BICC1: variants seen among roughly 807,000 people sequenced by gnomAD.
BICC1 encodes the protein BicC family RNA binding protein 1, also known as protein bicaudal C homolog 1.
A neutral mutation model predicts 111.0 loss-of-function variants in BICC1; 43 were observed. The ratio of observed to expected loss-of-function variants is 0.39; its 90% CI spans 0.30 to 0.50. BICC1 has a LOEUF of 0.50. BICC1 is among the 20% of genes least tolerant of loss of function. BICC1 has a pLI of 0.88. For synonymous variants in BICC1, 467 were observed against 434.4 expected (o/e 1.07, Z -0.93); for missense variants, 1,091 against 1,203.2 (o/e 0.91, Z 1.38).
At chr10:58,722,289 C>T (rs972509384) in intron 3 of BICC1, among the ~76,000 whole-genome samples, 5 of 152,192 alleles carry the variant, frequency 3.3e-5, no homozygotes, top group Admixed American at 6.5e-5. Context: ...GGAAATGAAG[C>T]CCTGGCTTTC....
intron 2 of BICC1, among the ~76,000 whole-genome samples, chr10:58,697,338 CTT>C (rs971444438): frequency 5.9e-5 from 9 of 152,114 alleles, no homozygotes; most frequent in Non-Finnish European, 1.2e-4. Flanking sequence ...AAAATTATCT[CTT>C]TATTTCCATG....
chr10:58,690,800 C>T (rs1457131882), intron 2 of BICC1, among the ~76,000 whole-genome samples: 1 of 152,102 alleles, frequency 6.6e-6, no homozygotes, highest in Non-Finnish European at 1.5e-5. Flanking sequence ...AAGAGATGAA[C>T]TGAGTTGAGT....
chr10:58,533,734 G>A (rs901842902), intron 1 of BICC1, among the ~76,000 whole-genome samples: 3 of 151,748 alleles, frequency 2.0e-5, no homozygotes, highest in South Asian at 4.1e-4. Flanking sequence ...TAACATGAAA[G>A]GATATGGAAA....
chr10:58,699,087 G>C (rs978439449), intron 2 of BICC1, among the ~76,000 whole-genome samples: 1 of 152,212 alleles, frequency 6.6e-6, no homozygotes, highest in African/African-American at 2.4e-5. Context: ...GGAGAGGTCA[G>C]CTCCAGATGT....
intron 1 of BICC1, among the ~76,000 whole-genome samples, chr10:58,558,526 C>T (rs568928345): frequency 6.6e-6 from 1 of 152,130 alleles, no homozygotes; most frequent in Admixed American, 6.6e-5. Flanking sequence ...GGTGTAAAAC[C>T]ACTCTTAAAT....
At chr10:58,575,630 G>C (rs1055505044) in intron 1 of BICC1, among the ~76,000 whole-genome samples, 1 of 151,814 alleles carries the variant, frequency 6.6e-6, no homozygotes, top group Non-Finnish European at 1.5e-5. Flanking sequence ...GCTATGTTGG[G>C]TAGGCTCTCC....
At chr10:58,774,689 A>G (rs1005152337) in intron 3 of BICC1, among the ~76,000 whole-genome samples, 3 of 152,208 alleles carry the variant, frequency 2.0e-5, no homozygotes, top group African/African-American at 7.2e-5. Flanking sequence ...ATGACTTTCC[A>G]GATTTTCTCC....
intron 3 of BICC1, among the ~76,000 whole-genome samples, chr10:58,722,144 T>G (rs902918205): frequency 1.9e-4 from 29 of 152,200 alleles, no homozygotes; most frequent in Admixed American, 6.5e-4. Flanking sequence ...GCAAGAAAAT[T>G]GCTCATAAGT....
intron 2 of BICC1, among the ~76,000 whole-genome samples, chr10:58,646,630 A>G (rs1838277011): frequency 6.6e-6 from 1 of 152,152 alleles, no homozygotes; most frequent in Admixed American, 6.6e-5. Flanking sequence ...GACTAGCATG[A>G]TATCTCTGTG....
At position 58,675,895 on chromosome 10, in the gene BICC1, G is replaced by A. The variant is rs116091114; in HGVS notation, c.238-26179G>A. Among the ~76,000 whole-genome samples the A allele has an allele frequency of 9.8e-3, 1,489 of 152,318 alleles. 20 individuals are homozygous for A. Among genetic ancestry groups the A allele is most frequent in the African/African-American group, 0.034 (1,427 of 41,572 alleles). On this transcript the variant is annotated intron_variant, in intron 2 of 20. Transcript: ENST00000373886. ...GTCTGCAGCTCCCAGAGAGACTAAC[G>A]CAGAAGGCGGGTGATTTCTGCATTT...
intron 9 of BICC1, 87 bp from the exon 10 acceptor site, chr10:58,796,253 G>T: frequency 9.1e-7 from 1 of 1,093,448 alleles, no homozygotes; most frequent in Non-Finnish European, 1.4e-6. Flanking sequence ...TCTTATTAGC[G>T]TATTCATTTT....
intron 3 of BICC1, among the ~76,000 whole-genome samples, chr10:58,753,864 A>G (rs910134662): frequency 6.6e-6 from 1 of 151,776 alleles, no homozygotes; most frequent in African/African-American, 2.4e-5. Flanking sequence ...ATTCCGTACT[A>G]TATCATTTGT....
chr10:58,619,879 C>T (rs1478966287), intron 1 of BICC1, among the ~76,000 whole-genome samples: 2 of 152,222 alleles, frequency 1.3e-5, no homozygotes, highest in African/African-American at 4.8e-5. Context: ...GACACACACA[C>T]ATATGCACTT....
chr10:58,707,975 G>C (rs1437233577), intron 3 of BICC1, among the ~76,000 whole-genome samples: 1 of 151,376 alleles, frequency 6.6e-6, no homozygotes, highest in African/African-American at 2.4e-5. Flanking sequence ...GGGATTACAG[G>C]TGTGAGCCAC....
chr10:58,625,779 C>T (rs1287836511), intron 2 of BICC1, among the ~76,000 whole-genome samples: 1 of 152,080 alleles, frequency 6.6e-6, no homozygotes, highest in African/African-American at 2.4e-5. Context: ...CCCTCTGTAC[C>T]TAAAAATGGG....
chr10:58,564,198 T>C (rs1843689934), intron 1 of BICC1, among the ~76,000 whole-genome samples: 1 of 152,240 alleles, frequency 6.6e-6, no homozygotes, highest in Admixed American at 6.5e-5. Context: ...TTTAAAAAAT[T>C]AAATGGTTTT....
chr10:58,718,851 T>G (rs918871216), intron 3 of BICC1, among the ~76,000 whole-genome samples: 18 of 152,234 alleles, frequency 1.2e-4, no homozygotes, highest in African/African-American at 3.9e-4. Flanking sequence ...TGAGAATTAC[T>G]TACTGTATTA....
At chr10:58,621,583 C>T (rs992942891) in intron 2 of BICC1, among the ~76,000 whole-genome samples, 2 of 152,082 alleles carry the variant, frequency 1.3e-5, no homozygotes, top group African/African-American at 2.4e-5. Flanking sequence ...GAGGCCGAGG[C>T]TATCAGATTA....
In BICC1 at chr10:58,518,889, C is replaced by T. The variant is rs529451557; in HGVS notation, c.190+5556C>T. ...CGGGCATGGAGCAAGCACTCTCAGT[C>T]ACTTATCTCTATGAAGACTTGGAGG... On this transcript the variant is annotated intron_variant, in intron 1 of 20. Transcript: ENST00000373886. Among the ~76,000 whole-genome samples, 3 of 152,268 alleles carry T rather than the reference C, an allele frequency of 2.0e-5. No homozygotes were observed. In the East Asian group the frequency reaches 5.8e-4, roughly 29 times the overall value.
Sources: allele counts gnomAD v4.1 joint callset (sites outside exome capture counted in the v4.1 genomes callset), GRCh38; gene constraint gnomAD v4.1.1; transcripts MANE v1.5; gene names NCBI Gene and HGNC (gene_info 2026-07-23, HGNC 2026-07-21).